SV2C: variants seen among roughly 807,000 people sequenced by gnomAD.
SV2C encodes the protein solute carrier family 22 member B3.
SV2C carries 49 observed loss-of-function variants against 79.7 expected under a neutral mutation model. The observed-to-expected ratio is 0.61, with a 90% CI of 0.49 to 0.78. SV2C has a LOEUF of 0.78. Among genes scored for constraint, SV2C ranks in the 30% least tolerant of loss-of-function variants. SV2C has a pLI of 0.00. For synonymous variants in SV2C, 334 were observed against 333.2 expected, an observed-to-expected ratio of 1.00 and a Z score of -0.03; for missense variants, 833 against 912.9, an observed-to-expected ratio of 0.91 and a Z score of 1.13.
At chr5:75,963,697 C>G in the SV2C span, among the ~76,000 whole-genome samples, 1 of 152,020 alleles carries the variant, frequency 6.6e-6, no homozygotes, top group Admixed American at 6.6e-5. Flanking sequence ...ATGAAAGATT[C>G]GAGTGTCTCT....
the SV2C span, among the ~76,000 whole-genome samples, chr5:75,887,548 C>T: frequency 6.6e-6 from 1 of 152,042 alleles, no homozygotes; most frequent in Non-Finnish European, 1.5e-5. Flanking sequence ...CCTTAAATTT[C>T]CTCAGGGTTT....
At chr5:76,218,883 T>C (rs1482217943) in intron 4 of SV2C, among the ~76,000 whole-genome samples, 1 of 2,396 alleles carries the variant, frequency 4.2e-4, no homozygotes, top group Non-Finnish European at 9.0e-4. Flanking sequence ...GGACTGAAGT[T>C]TGGGTCAGGG....
chr5:76,096,245 A>G (rs567865543), intron 1 of SV2C, among the ~76,000 whole-genome samples: 8 of 152,190 alleles, frequency 5.3e-5, no homozygotes, highest in Admixed American at 3.9e-4. Flanking sequence ...CTTTTTCCTA[A>G]TATCTATCAA....
At chr5:75,917,865 A>G in the SV2C span, among the ~76,000 whole-genome samples, 167 of 152,338 alleles carry the variant, frequency 1.1e-3, no homozygotes, top group African/African-American at 3.3e-3. Context: ...TTGGGGAGAC[A>G]GATACCTCAT....
chr5:76,002,947 G>A, the SV2C span, among the ~76,000 whole-genome samples: 2 of 151,974 alleles, frequency 1.3e-5, no homozygotes, highest in Admixed American at 1.3e-4. Flanking sequence ...ATCTCATCTT[G>A]AGTTGTAGTT....
At chr5:76,175,921 G>A (rs527444416) in intron 2 of SV2C, among the ~76,000 whole-genome samples, 8 of 152,018 alleles carry the variant, frequency 5.3e-5, no homozygotes, top group Admixed American at 1.3e-4. Context: ...CTCCGCATGG[G>A]GATGGGTCAG....
At chr5:75,987,941 A>G in the SV2C span, among the ~76,000 whole-genome samples, 1 of 152,022 alleles carries the variant, frequency 6.6e-6, no homozygotes, top group Non-Finnish European at 1.5e-5. Flanking sequence ...AAGTTATTTA[A>G]ATGTTACCTG....
At chr5:75,908,845 T>C in the SV2C span, among the ~76,000 whole-genome samples, 2 of 152,236 alleles carry the variant, frequency 1.3e-5, no homozygotes, top group East Asian at 3.8e-4. Context: ...TCTGCAGCAG[T>C]GCAGAGATTT....
intron 4 of SV2C, among the ~76,000 whole-genome samples, chr5:76,220,091 C>A (rs1037980742): frequency 2.0e-5 from 3 of 152,104 alleles, no homozygotes; most frequent in African/African-American, 7.2e-5. Context: ...CCATATGTCC[C>A]TCTGGTAAGT....
the SV2C span, chr5:75,921,146 C>T: frequency 3.3e-6 from 3 of 896,084 alleles, no homozygotes; most frequent in African/African-American, 4.9e-5. Flanking sequence ...GTTCATGGCA[C>T]CAATGAGCAA....
chr5:76,340,574 A>G (rs62363167), intron 12 of SV2C, among the ~76,000 whole-genome samples: 54,227 of 152,014 alleles, frequency 0.36, 11,970 homozygotes, highest in Middle Eastern at 0.5. Flanking sequence ...ACTGCAAGGC[A>G]CACTAATATA....
chr5:76,041,400 C>A, the SV2C span, among the ~76,000 whole-genome samples: 3 of 152,244 alleles, frequency 2.0e-5, no homozygotes, highest in Admixed American at 1.3e-4. Context: ...AATTTTGCTA[C>A]CCTCTCTCCA....
At chr5:76,225,293 C>T (rs1185163765) in intron 4 of SV2C, among the ~76,000 whole-genome samples, 4 of 152,226 alleles carry the variant, frequency 2.6e-5, no homozygotes, top group Admixed American at 2.0e-4. Context: ...CATGCTTCCA[C>T]TTGAGGATAA....
Position 76,326,639 on chromosome 5 carries a change from G to GT in SV2C, c.*1095dup, listed in dbSNP as rs1749005401. ...TTCCCAGCTGGCATCAGCAAAGAGG[G>GT]TTTGTCCCTCTAGCTTCCCCAGGGC... On this transcript the variant is annotated 3_prime_UTR_variant, in exon 13 of 13. Transcript: ENST00000502798. 1 of 152,268 alleles carries GT rather than the reference G, an allele frequency of 6.6e-6. No homozygotes were observed. The highest frequency in any genetic ancestry group is 2.1e-4 in the South Asian group (1 of 4,828). 9.4% of individuals were successfully genotyped at this position (152,268 alleles called of 1,614,324 possible).
chr5:76,281,102 T>C (rs1371547119), intron 4 of SV2C: 11 of 542,076 alleles, frequency 2.0e-5, no homozygotes, highest in South Asian at 1.2e-4. Context: ...ACTAAAGCAG[T>C]AGAGAATTAC....
the SV2C span, among the ~76,000 whole-genome samples, chr5:75,858,617 G>T: frequency 4.0e-4 from 61 of 152,266 alleles, no homozygotes; most frequent in Middle Eastern, 6.8e-3. Context: ...TCAGCTCATA[G>T]AATGAGTTTG....
chr5:76,087,928 A>T (rs1480742336), intron 1 of SV2C, among the ~76,000 whole-genome samples: 1 of 152,228 alleles, frequency 6.6e-6, no homozygotes, highest in East Asian at 1.9e-4. Flanking sequence ...ATTTGGTAGC[A>T]AAGAAGGGAA....
chr5:75,934,621 C>A, the SV2C span, among the ~76,000 whole-genome samples: 3 of 152,098 alleles, frequency 2.0e-5, no homozygotes, highest in East Asian at 5.8e-4. Flanking sequence ...TGGTTTCTTT[C>A]TTTCCTTGTT....
Position 76,325,768 on chromosome 5 carries a change from T to G in SV2C, c.*221T>G. ...TTTTGTTTGAATGCATTGTTATCTTTCCAAACTGTGATGCTACTGCCTCCC... is the reference window on the plus strand; with the variant it reads ...TTTTGTTTGAATGCATTGTTATCTTGCCAAACTGTGATGCTACTGCCTCCC... On this transcript the variant is annotated 3_prime_UTR_variant, in exon 13 of 13. Coordinates refer to ENST00000502798, the MANE Select transcript of SV2C (RefSeq NM_014979.4). 1 of 574,660 alleles carries G rather than the reference T, an allele frequency of 1.7e-6. No homozygotes were observed. Among genetic ancestry groups the G allele is most frequent in the African/African-American group, 1.9e-5 (1 of 52,666 alleles). The allele number at this position is 574,660 out of a possible 1,614,324, so 35.6% of individuals were successfully genotyped here. A position where few individuals can be genotyped will look rare whatever the true frequency, so the allele number is the denominator to read the frequency against.
Sources: allele counts gnomAD v4.1 joint callset (sites outside exome capture counted in the v4.1 genomes callset), GRCh38; gene constraint gnomAD v4.1.1; transcripts MANE v1.5; gene names NCBI Gene and HGNC (gene_info 2026-07-23, HGNC 2026-07-21).